The following ST7 variants were observed in gnomAD, a reference collection of about 807,000 sequenced individuals.
ST7 encodes suppression of tumorigenicity 7, also known as suppressor of tumorigenicity 7 protein.
A neutral mutation model predicts 78.7 loss-of-function variants in ST7; 28 were observed. That is an observed-to-expected ratio of 0.36 (90% CI 0.26 to 0.49). The LOEUF is 0.49. Among genes scored for constraint, ST7 ranks in the 20% least tolerant of loss-of-function variants. ST7 has a pLI of 0.99. For synonymous variants in ST7, 247 were observed against 249.6 expected (o/e 0.99, Z 0.10); for missense variants, 418 against 696.0 (o/e 0.60, Z 4.49).
chr7:117,194,461 A>G (rs2117424773), intron 12 of ST7, among the ~76,000 whole-genome samples: 2 of 152,306 alleles, frequency 1.3e-5, no homozygotes, highest in Non-Finnish European at 2.9e-5. Context: ...CATCAGAAGT[A>G]GTCTGTCTCC....
At chr7:117,076,094 G>T (rs1799317555) in intron 1 of ST7, among the ~76,000 whole-genome samples, 1 of 152,180 alleles carries the variant, frequency 6.6e-6, no homozygotes. Context: ...CAGGGAGATG[G>T]ATTTGAGACT....
chr7:117,179,437 C>T (rs1451197927), intron 10 of ST7, among the ~76,000 whole-genome samples: 1 of 152,170 alleles, frequency 6.6e-6, no homozygotes, highest in Non-Finnish European at 1.5e-5. Flanking sequence ...CAGGCAATTG[C>T]TGTTAAGTAT....
intron 2 of ST7, among the ~76,000 whole-genome samples, chr7:117,113,303 C>T (rs1802582298): frequency 6.6e-6 from 1 of 152,192 alleles, no homozygotes; most frequent in Non-Finnish European, 1.5e-5. Flanking sequence ...CATCTTTCTG[C>T]CTCTCATAAG....
At position 117,130,414 on chromosome 7, in the gene ST7, G is replaced by A. The variant is rs139870477; in HGVS notation, c.450-77G>A. 361 of 1,014,840 alleles carry A rather than the reference G, an allele frequency of 3.6e-4. 5 individuals are homozygous for A. In the East Asian group the frequency reaches 7.4e-3, roughly 21 times the overall value. The allele number at this position is 1,014,840 out of a possible 1,614,324, so 62.9% of individuals were successfully genotyped here. On this transcript the variant is annotated intron_variant, in intron 4 of 15. Coordinates refer to ENST00000323984, the MANE Select transcript of ST7 (RefSeq NM_001369598.1). ...TTCAGTTAATGGTCTATATTTCAACGCCTCTGCAGCTTAATATTTTATAGG... is the reference window on the plus strand; with the variant it reads ...TTCAGTTAATGGTCTATATTTCAACACCTCTGCAGCTTAATATTTTATAGG...
intron 1 of ST7, among the ~76,000 whole-genome samples, chr7:116,971,278 A>G (rs1195797896): frequency 6.6e-6 from 1 of 152,232 alleles, no homozygotes; most frequent in African/African-American, 2.4e-5. Context: ...ACAAAGCACA[A>G]TGAGATGGCA....
At chr7:117,227,047 C>T (rs1015455683) in intron 15 of ST7, among the ~76,000 whole-genome samples, 1 of 152,210 alleles carries the variant, frequency 6.6e-6, no homozygotes, top group Non-Finnish European at 1.5e-5. Context: ...TCAGAGGCTT[C>T]ACTTTTGTGC....
intron 1 of ST7, among the ~76,000 whole-genome samples, chr7:117,035,372 T>G (rs1355269011): frequency 6.6e-6 from 1 of 152,206 alleles, no homozygotes; most frequent in East Asian, 1.9e-4. Context: ...AATTGTGCAT[T>G]GATTTCTTTT....
intron 10 of ST7, among the ~76,000 whole-genome samples, chr7:117,172,202 C>T (rs757510068): frequency 1.3e-5 from 2 of 152,142 alleles, no homozygotes; most frequent in East Asian, 1.9e-4. Context: ...ACCTTGGCCC[C>T]GCAAGGCACT....
chr7:117,105,991 TG>T (rs1432683627), intron 2 of ST7, among the ~76,000 whole-genome samples: 6 of 145,462 alleles, frequency 4.1e-5, no homozygotes, highest in African/African-American at 1.7e-4. Context: ...TTTTTGTTTT[TG>T]TTTTTGTTTT....
At chr7:117,083,433 T>G (rs1799927973) in intron 1 of ST7, among the ~76,000 whole-genome samples, 1 of 152,008 alleles carries the variant, frequency 6.6e-6, no homozygotes, top group South Asian at 2.1e-4. Context: ...TTTTTTTGTA[T>G]TTTTAGTAGG....
intron 2 of ST7, among the ~76,000 whole-genome samples, chr7:117,116,372 T>C (rs575184939): frequency 1.3e-5 from 2 of 152,332 alleles, no homozygotes; most frequent in South Asian, 4.1e-4. Flanking sequence ...ATTGTAGGTA[T>C]GCACCAGGGA....
chr7:117,138,332 A>G, intron 8 of ST7, 103 bp from the exon 9 acceptor site: 3 of 618,474 alleles, frequency 4.9e-6, no homozygotes, highest in East Asian at 5.9e-5. Flanking sequence ...TCTACTATTA[A>G]CAAAGTTGTC....
At chr7:117,059,807 CAAAAAAAAAA>C (rs35792944) in intron 1 of ST7, among the ~76,000 whole-genome samples, 10 of 31,988 alleles carry the variant, frequency 3.1e-4, no homozygotes, top group Non-Finnish European at 6.1e-4. Flanking sequence ...TTCATCTCTG[CAAAAAAAAAA>C]AAAAAAAAAA....
At chr7:117,031,842 ATATCTATATC>A (rs1248758827) in intron 1 of ST7, among the ~76,000 whole-genome samples, 4 of 102,144 alleles carry the variant, frequency 3.9e-5, no homozygotes, top group African/African-American at 1.5e-4. Flanking sequence ...ATCTATATCT[ATATCTATATC>A]TATATCTATC....
chr7:117,113,544 G>A (rs1802606106), intron 2 of ST7, among the ~76,000 whole-genome samples: 1 of 152,186 alleles, frequency 6.6e-6, no homozygotes, highest in Non-Finnish European at 1.5e-5. Flanking sequence ...CTAGAACATA[G>A]ACCAATGCTT....
chr7:117,109,522 T>G (rs898885427), intron 2 of ST7, among the ~76,000 whole-genome samples: 1 of 151,930 alleles, frequency 6.6e-6, no homozygotes, highest in Non-Finnish European at 1.5e-5. Context: ...AGGAAGAAAT[T>G]GAAAGTCTGA....
At chr7:116,985,399 G>A (rs1054160660) in intron 1 of ST7, among the ~76,000 whole-genome samples, 3 of 152,130 alleles carry the variant, frequency 2.0e-5, no homozygotes, top group African/African-American at 7.2e-5. Flanking sequence ...ATTTCCTCTT[G>A]ATTTTTCAAT....
intron 1 of ST7, among the ~76,000 whole-genome samples, chr7:117,021,004 G>A (rs930412918): frequency 5.9e-5 from 9 of 152,120 alleles, no homozygotes; most frequent in African/African-American, 2.2e-4. Flanking sequence ...TATTAGAAAG[G>A]AAAGAAAGGC....
At chr7:117,027,932 A>G (rs1203788017) in intron 1 of ST7, among the ~76,000 whole-genome samples, 1 of 152,154 alleles carries the variant, frequency 6.6e-6, no homozygotes, top group African/African-American at 2.4e-5. Flanking sequence ...GTAAGGTAAT[A>G]TCATTGAAAA....
Sources: allele counts gnomAD v4.1 joint callset (sites outside exome capture counted in the v4.1 genomes callset), GRCh38; gene constraint gnomAD v4.1.1; transcripts MANE v1.5; gene names NCBI Gene and HGNC (gene_info 2026-07-23, HGNC 2026-07-21).